The following YBEY variants were observed in gnomAD, a reference collection of about 807,000 sequenced individuals.
The protein encoded by YBEY is ybeY metalloendoribonuclease, also known as endoribonuclease YbeY.
A neutral mutation model predicts 13.5 loss-of-function variants in YBEY; 15 were observed. The observed-to-expected ratio is 1.11, with a 90% CI of 0.75 to 1.72. The LOEUF (loss-of-function observed/expected upper bound fraction) is 1.72. Ranked by LOEUF, YBEY falls within the 40% of genes most tolerant of loss-of-function variation. The probability of loss-of-function intolerance (pLI) is 0.00; values close to 1 mark genes in which losing one functional copy is unlikely to be tolerated. For synonymous variants in YBEY, 101 were observed against 83.1 expected (o/e 1.21, Z -1.17); for missense variants, 244 against 208.4 (o/e 1.17, Z -1.05).
the YBEY span, chr21:46,311,417 T>C: frequency 2.4e-6 from 3 of 1,257,342 alleles, no homozygotes; most frequent in Non-Finnish European, 3.3e-6. Flanking sequence ...CAGTAGATAA[T>C]TTCCTCAACC....
chr21:46,290,783 C>T (rs181022091), intron 2 of YBEY, among the ~76,000 whole-genome samples: 78 of 151,986 alleles, frequency 5.1e-4, no homozygotes, highest in African/African-American at 1.7e-3. Context: ...CGGTGGCTCA[C>T]GCCTGTAATC....
the YBEY span, among the ~76,000 whole-genome samples, chr21:46,302,983 C>T: frequency 1.3e-5 from 2 of 151,498 alleles, no homozygotes; most frequent in South Asian, 2.1e-4. Flanking sequence ...GTCCCCGGGG[C>T]GCGCCCTGAG....
chr21:46,286,661 C>T (rs192255147), intron 1 of YBEY: 40 of 336,760 alleles, frequency 1.2e-4, no homozygotes, highest in Admixed American at 2.5e-4. Context: ...GCTCCTTCCG[C>T]TCCGCCCGCC....
At chr21:46,289,530 C>G (rs1386974785) in intron 2 of YBEY, among the ~76,000 whole-genome samples, 1 of 148,532 alleles carries the variant, frequency 6.7e-6, no homozygotes, top group African/African-American at 2.5e-5. Context: ...ACTGCAACCT[C>G]CACCTCTCAG....
Position 46,287,125 on chromosome 21 carries a change from T to TTAAAA in YBEY, c.210+2_210+3insTAAAA. 1.3e-6 allele frequency: 2 copies of TTAAAA among 1,507,542 alleles called. No individual in the cohort carries two copies. Among genetic ancestry groups the TTAAAA allele is most frequent in the Non-Finnish European group, 1.8e-6 (2 of 1,120,072 alleles). 93.4% of individuals were successfully genotyped at this position (1,507,542 alleles called of 1,614,324 possible). A position where few individuals can be genotyped will look rare whatever the true frequency, so the allele number is the denominator to read the frequency against. Reference sequence around the variant, plus strand: ...GTGCTTTCTTTTCCATTTCATGAGGTAAAAAAAAAATGTTCCTCTTCTTGT... The same window carrying TTAAAA: ...GTGCTTTCTTTTCCATTTCATGAGGTTAAAAAAAAAAAAAATGTTCCTCTTCTTGT... On this transcript the variant is annotated splice_region_variant and intron_variant, in intron 2 of 4. Coordinates refer to ENST00000397701, the MANE Select transcript of YBEY (RefSeq NM_001314025.2).
At chr21:46,287,897 A>G (rs55904887) in intron 2 of YBEY, among the ~76,000 whole-genome samples, 61,902 of 151,504 alleles carry the variant, frequency 0.41, 13,198 homozygotes, top group Admixed American at 0.48. Flanking sequence ...CTATAATCCT[A>G]GCTACCTGGG....
At position 46,297,425 on chromosome 21, in the gene YBEY, C is replaced by G. The variant is rs1428458255; in HGVS notation, c.409-114C>G. 2.9e-6 allele frequency: 3 copies of G among 1,036,390 alleles called. No homozygotes were observed. The African/African-American group carries it at 5.0e-5, about 17-fold the overall frequency. The allele number at this position is 1,036,390 out of a possible 1,614,324, so 64.2% of individuals were successfully genotyped here. ...GCCTTCGGCCTGAGCTAGAGCCGCG[C>G]GGGCGGCCGGCTTCCCCCAAACCCT... is the stretch of plus-strand genomic sequence containing the variant. On this transcript the variant is annotated intron_variant, in intron 4 of 4. Coordinates refer to ENST00000397701, the MANE Select transcript of YBEY (RefSeq NM_001314025.2).
chr21:46,287,601 A>G (rs2081510365), intron 2 of YBEY, among the ~76,000 whole-genome samples: 1 of 152,232 alleles, frequency 6.6e-6, no homozygotes, highest in African/African-American at 2.4e-5. Context: ...AAAATTTTCA[A>G]ATATACACAA....
intron 2 of YBEY, among the ~76,000 whole-genome samples, chr21:46,288,296 A>T (rs1182666100): frequency 1.3e-5 from 2 of 152,238 alleles, no homozygotes; most frequent in Non-Finnish European, 1.5e-5. Context: ...AGCAGCAGGA[A>T]TTGGAGCAAT....
downstream of YBEY, among the ~76,000 whole-genome samples, chr21:46,297,983 T>G (rs2082006295): frequency 1.1e-5 from 1 of 91,608 alleles, no homozygotes; most frequent in East Asian, 2.4e-4. Context: ...TGCGTCAGTA[T>G]TTCCTGCTTT....
At chr21:46,300,046 C>T (rs75124379), downstream of YBEY, 7,409 of 152,686 alleles carry the variant, frequency 0.049, 264 homozygotes, top group Non-Finnish European at 0.072. Flanking sequence ...CAGAGCCTTT[C>T]ATCCCTGTGA....
the YBEY span, among the ~76,000 whole-genome samples, chr21:46,305,312 T>C: frequency 4.6e-5 from 7 of 150,816 alleles, no homozygotes; most frequent in Non-Finnish European, 1.0e-4. Context: ...TTTTTTTTTT[T>C]AATCACAAAT....
intron 3 of YBEY, among the ~76,000 whole-genome samples, chr21:46,294,919 G>T (rs1336915358): frequency 6.6e-6 from 1 of 152,216 alleles, no homozygotes; most frequent in Non-Finnish European, 1.5e-5. Context: ...CAGACCCAGT[G>T]TGAAAGGATG....
At chr21:46,291,190 T>G in intron 2 of YBEY, 144 bp from the exon 3 acceptor site, 1 of 1,095,352 alleles carries the variant, frequency 9.1e-7, no homozygotes, top group Non-Finnish European at 1.2e-6. Context: ...AGAGTGAAAC[T>G]CCGTCTCAAA....
intron 3 of YBEY, among the ~76,000 whole-genome samples, chr21:46,293,360 AGT>A (rs2081819516): frequency 2.4e-5 from 1 of 41,298 alleles, no homozygotes; most frequent in African/African-American, 7.1e-5. Context: ...GACTCAGTGG[AGT>A]CAGCCACGCA....
At chr21:46,295,626 G>A (rs1459839300) in intron 3 of YBEY, among the ~76,000 whole-genome samples, 2 of 151,994 alleles carry the variant, frequency 1.3e-5, no homozygotes, top group East Asian at 1.9e-4. Flanking sequence ...ACCTCCCTCC[G>A]CCTCCGCCTT....
intron 3 of YBEY, 43 bp from the exon 4 acceptor site, chr21:46,296,119 C>T: frequency 6.2e-7 from 1 of 1,612,316 alleles, no homozygotes; most frequent in Non-Finnish European, 8.5e-7. Flanking sequence ...GGGCAGGTTC[C>T]TGTGGGGTCA....
In YBEY at chr21:46,291,309, A is replaced by G. The variant is rs367922546; in HGVS notation, c.211-25A>G. 6.7e-5 allele frequency: 108 copies of G among 1,613,516 alleles called. No individual in the cohort carries two copies. In the African/African-American group the frequency reaches 1.3e-3, roughly 19 times the overall value. ...GGTTGGGTTACGTTTCCTGTTCTCT[A>G]AGTCTACATTTCCTCATTTTTTAGC... is the stretch of plus-strand genomic sequence containing the variant. On this transcript the variant is annotated intron_variant, in intron 2 of 4. Coordinates refer to ENST00000397701, the MANE Select transcript of YBEY (RefSeq NM_001314025.2).
chr21:46,296,010 G>C, intron 3 of YBEY, 152 bp from the exon 4 acceptor site: 2 of 685,238 alleles, frequency 2.9e-6, no homozygotes, highest in South Asian at 1.8e-5. Context: ...GGGAACTGAA[G>C]CTGAGTGCCT....
Sources: gnomAD v4.1 joint callset for allele counts (sites outside exome capture counted in the v4.1 genomes callset) on GRCh38, gnomAD v4.1.1 for gene constraint, MANE v1.5 for transcripts, NCBI Gene and HGNC (gene_info 2026-07-23, HGNC 2026-07-21) for gene names.